The following TIAM1 variants were observed in gnomAD, a reference collection of about 807,000 sequenced individuals.
TIAM1 encodes the protein rho guanine nucleotide exchange factor TIAM1.
TIAM1 carries 65 observed loss-of-function variants against 163.5 expected under a neutral mutation model. That is an observed-to-expected ratio of 0.40 (90% CI 0.33 to 0.49). The LOEUF (loss-of-function observed/expected upper bound fraction) is 0.49. Ranked by LOEUF, TIAM1 falls within the 20% of genes least tolerant of loss-of-function variation. The pLI is 0.77. For synonymous variants in TIAM1, 833 were observed against 810.1 expected (o/e 1.03, Z -0.48); for missense variants, 1,789 against 2,044.7 (o/e 0.87, Z 2.41).
intron 1 of TIAM1, among the ~76,000 whole-genome samples, chr21:31,468,101 G>A (rs1000577677): frequency 4.6e-5 from 6 of 129,822 alleles, no homozygotes; most frequent in East Asian, 2.0e-4. Flanking sequence ...AAAAAAAAAA[G>A]TAGAAATAAA....
chr21:31,393,116 C>T (rs1371252483), intron 2 of TIAM1, among the ~76,000 whole-genome samples: 4 of 152,002 alleles, frequency 2.6e-5, no homozygotes, highest in African/African-American at 7.3e-5. Context: ...CCACCATGTC[C>T]GGCTAATTTT....
At chr21:31,445,278 T>G (rs2044582417) in intron 2 of TIAM1, among the ~76,000 whole-genome samples, 1 of 152,196 alleles carries the variant, frequency 6.6e-6, no homozygotes, top group African/African-American at 2.4e-5. Flanking sequence ...AGGCTCATTG[T>G]ATTACTGTGC....
chr21:31,195,418 T>G (rs1231672513), intron 12 of TIAM1, 113 bp from the exon 13 acceptor site: 3 of 727,980 alleles, frequency 4.1e-6, no homozygotes, highest in Non-Finnish European at 6.7e-6. Context: ...GAATTTGCAC[T>G]TCACAATCTT....
chr21:31,173,858 A>C (rs1394848251), intron 15 of TIAM1, among the ~76,000 whole-genome samples: 1 of 152,124 alleles, frequency 6.6e-6, no homozygotes, highest in Non-Finnish European at 1.5e-5. Context: ...TCAGTCTCCG[A>C]AACATGTTTT....
At chr21:31,275,423 G>A (rs748745331) in intron 3 of TIAM1, among the ~76,000 whole-genome samples, 4 of 152,006 alleles carry the variant, frequency 2.6e-5, no homozygotes, top group Non-Finnish European at 4.4e-5. Flanking sequence ...CAACAAAACG[G>A]CATCAAACCC....
chr21:31,314,362 T>C (rs1000936090), intron 2 of TIAM1, among the ~76,000 whole-genome samples: 20 of 152,188 alleles, frequency 1.3e-4, no homozygotes, highest in African/African-American at 4.6e-4. Context: ...CAGTAGGATA[T>C]ATTATATAAA....
intron 2 of TIAM1, among the ~76,000 whole-genome samples, chr21:31,360,647 C>A (rs2076392618): frequency 6.6e-6 from 1 of 152,052 alleles, no homozygotes; most frequent in Non-Finnish European, 1.5e-5. Flanking sequence ...ATGCAACTGA[C>A]AAGGAGATAT....
At chr21:31,350,977 T>A (rs1164326919) in intron 2 of TIAM1, among the ~76,000 whole-genome samples, 1 of 152,202 alleles carries the variant, frequency 6.6e-6, no homozygotes, top group African/African-American at 2.4e-5. Context: ...TAATGAATAA[T>A]GGCTAGGGAA....
chr21:31,319,672 C>T (rs1441393780), intron 2 of TIAM1, among the ~76,000 whole-genome samples: 4 of 149,718 alleles, frequency 2.7e-5, no homozygotes, highest in East Asian at 2.0e-4. Context: ...CCCAGCTACT[C>T]GGGAGGCTGA....
chr21:31,392,633 T>C (rs927257180), intron 2 of TIAM1, among the ~76,000 whole-genome samples: 3 of 151,440 alleles, frequency 2.0e-5, no homozygotes, highest in African/African-American at 4.9e-5. Context: ...GTGTTGTCAT[T>C]TGTCCCCTCC....
intron 1 of TIAM1, among the ~76,000 whole-genome samples, chr21:31,492,327 G>A (rs2046496636): frequency 6.6e-6 from 1 of 152,220 alleles, no homozygotes; most frequent in African/African-American, 2.4e-5. Flanking sequence ...AAACAGTTCT[G>A]AACTGAAAGC....
At chr21:31,217,992 T>A (rs887228871) in intron 8 of TIAM1, among the ~76,000 whole-genome samples, 1 of 152,194 alleles carries the variant, frequency 6.6e-6, no homozygotes, top group African/African-American at 2.4e-5. Flanking sequence ...AAAAATGACA[T>A]GTCCTTCTGG....
chr21:31,210,023 A>G, intron 11 of TIAM1, 22 bp downstream of exon 11: 1 of 1,602,172 alleles, frequency 6.2e-7, no homozygotes, highest in Middle Eastern at 1.8e-4. Context: ...TCTTGGAGAA[A>G]CAACCCAAAG....
intron 2 of TIAM1, among the ~76,000 whole-genome samples, chr21:31,365,447 G>C (rs2076486972): frequency 6.7e-6 from 1 of 149,540 alleles, no homozygotes; most frequent in South Asian, 2.1e-4. Flanking sequence ...GGAGTGCAGG[G>C]GCATGATCTC....
At chr21:31,192,409 G>C (rs1461427970) in intron 13 of TIAM1, among the ~76,000 whole-genome samples, 1 of 152,022 alleles carries the variant, frequency 6.6e-6, no homozygotes, top group Non-Finnish European at 1.5e-5. Flanking sequence ...GTTGAGGTCA[G>C]GAGTTCAAGA....
At chr21:31,250,111 ATTC>A (rs2071708963) in intron 5 of TIAM1, among the ~76,000 whole-genome samples, 1 of 148,200 alleles carries the variant, frequency 6.7e-6, no homozygotes, top group Non-Finnish European at 1.5e-5. Context: ...GTGCCACTGC[ATTC>A]CAGCCTGGAA....
chr21:31,517,077 G>T (rs890412521), intron 1 of TIAM1, among the ~76,000 whole-genome samples: 25 of 148,288 alleles, frequency 1.7e-4, no homozygotes, highest in Non-Finnish European at 2.8e-4. Context: ...GAAAAGAAAA[G>T]AAAAGAATAC....
intron 1 of TIAM1, among the ~76,000 whole-genome samples, chr21:31,339,890 G>A (rs2075964410): frequency 6.6e-6 from 1 of 152,072 alleles, no homozygotes. Flanking sequence ...TGGAGAAGTG[G>A]GTGTTGCAAA....
intron 16 of TIAM1, among the ~76,000 whole-genome samples, chr21:31,157,075 T>C (rs777605555): frequency 7.9e-5 from 12 of 152,230 alleles, no homozygotes; most frequent in Admixed American, 1.3e-4. Context: ...AGAAACCATT[T>C]TTACTGTAGG....
Sources: gnomAD v4.1 joint callset for allele counts (sites outside exome capture counted in the v4.1 genomes callset) on GRCh38, gnomAD v4.1.1 for gene constraint, MANE v1.5 for transcripts, NCBI Gene and HGNC (gene_info 2026-07-23, HGNC 2026-07-21) for gene names.